The following PER3 variants were observed in gnomAD, a reference collection of about 807,000 sequenced individuals.
PER3 encodes period circadian regulator 3.
In PER3, 107 loss-of-function variants were observed where a neutral mutation model predicts 127.2. The ratio of observed to expected loss-of-function variants is 0.84; its 90% CI spans 0.72 to 0.99. The LOEUF is 0.99. PER3 is among the 50% of genes least tolerant of loss of function. PER3 has a pLI of 0.00. For missense variants in PER3, 1,560 were observed against 1,525.8 expected, an observed-to-expected ratio of 1.02 and a Z score of -0.37; for synonymous variants, 618 against 585.8, an observed-to-expected ratio of 1.05 and a Z score of -0.79.
At chr1:7,786,898 A>ATG (rs2150425828) in intron 4 of PER3, 62 bp downstream of exon 4, 1 of 904,190 alleles carries the variant, frequency 1.1e-6, no homozygotes, top group Non-Finnish European at 1.9e-6. Context: ...CCTGCTCTAG[A>ATG]TGTAGGCTTT....
chr1:7,836,011 T>C, intron 20 of PER3, 66 bp downstream of exon 20: 1 of 1,183,980 alleles, frequency 8.4e-7, no homozygotes, highest in Non-Finnish European at 1.2e-6. Context: ...TTTTTTTTCT[T>C]TTTTGAGACG....
intron 6 of PER3, among the ~76,000 whole-genome samples, chr1:7,794,910 GATATA>G (rs1305140370): frequency 2.6e-4 from 40 of 151,330 alleles, no homozygotes; most frequent in African/African-American, 8.5e-4. Context: ...TATATAAGAT[GATATA>G]ATAATATGTT....
chr1:7,785,544 G>A lies in PER3; in HGVS notation c.232G>A (p.Asp78Asn), dbSNP rs369440957. The change falls in exon 3 of 22, where the codon GAT becomes AAT. Residue 78 changes from aspartate to asparagine, a missense_variant. Physicochemically the swap from Asp to Asn is conservative, Grantham distance 23 (BLOSUM62 1). Around this residue, in one of 3 missense-constraint regions of PER3, gnomAD observed 1,332 missense variants for 1,223.6 expected, o/e 1.09. Coordinates refer to ENST00000377532, the MANE Select transcript of PER3 (RefSeq NM_001377275.1). The stretch of plus-strand genomic sequence containing the variant: ...GAGACGCAATAAACCAAGCACTCTA[G>A]ATGCCCTCAACTATGCTCTCCGCTG... ...SERRNKPSTL[D>N]ALNYALRCVH... 7.4e-6 allele frequency: 12 copies of A among 1,613,774 alleles called. No homozygotes were observed. Among genetic ancestry groups the A allele is most frequent in the Non-Finnish European group, 1.0e-5 (12 of 1,179,728 alleles).
intron 4 of PER3, chr1:7,787,138 T>C (rs1485454642): frequency 2.0e-5 from 7 of 354,888 alleles, no homozygotes; most frequent in African/African-American, 1.1e-4. Flanking sequence ...CACTGCAGAG[T>C]AATTTCCTGC....
Position 7,835,962 on chromosome 1 carries a change from G to C in PER3, c.3398+17G>C. 1 of 1,504,300 alleles carries C rather than the reference G, an allele frequency of 6.6e-7. No individual in the cohort carries two copies. Among genetic ancestry groups the C allele is most frequent in the Non-Finnish European group, 9.1e-7 (1 of 1,104,538 alleles). The allele number at this position is 1,504,300 out of a possible 1,614,324, so 93.2% of individuals were successfully genotyped here. On this transcript the variant is annotated intron_variant, in intron 20 of 21. Coordinates refer to ENST00000377532, the MANE Select transcript of PER3 (RefSeq NM_001377275.1). ...ACCTGAGAGGTAAGAAAGCACTTTA[G>C]AAAACCCACTTTTTATATTTTTGTG...
At chr1:7,787,786 G>A (rs7556518) in intron 4 of PER3, 61,128 of 481,644 alleles carry the variant, frequency 0.13, 4,661 homozygotes, top group Non-Finnish European at 0.15. Flanking sequence ...TGTGCCATAC[G>A]TATTTTAGTC....
At chr1:7,832,929 T>G (rs751357205) in intron 19 of PER3, among the ~76,000 whole-genome samples, 5 of 151,698 alleles carry the variant, frequency 3.3e-5, no homozygotes, top group African/African-American at 9.7e-5. Context: ...CCCTCAAACT[T>G]CTGGGTTCAA....
At chr1:7,838,967 C>T (rs187621065) in intron 21 of PER3, among the ~76,000 whole-genome samples, 7,404 of 150,842 alleles carry the variant, frequency 0.049, 625 homozygotes, top group East Asian at 0.27. Context: ...GAAGGACTTA[C>T]TTGTGGCATT....
At chr1:7,836,623 C>T (rs1299316508) in intron 20 of PER3, among the ~76,000 whole-genome samples, 1 of 152,026 alleles carries the variant, frequency 6.6e-6, no homozygotes, top group African/African-American at 2.4e-5. Context: ...GTAATGTTAC[C>T]TCTATTCAGA....
At chr1:7,829,346 T>G (rs1390868414) in intron 18 of PER3, among the ~76,000 whole-genome samples, 2 of 152,222 alleles carry the variant, frequency 1.3e-5, no homozygotes, top group East Asian at 3.8e-4. Context: ...GAAGATTCGT[T>G]TTTGCCTAAA....
chr1:7,794,043 G>A, intron 6 of PER3, 35 bp downstream of exon 6: 1 of 1,556,584 alleles, frequency 6.4e-7, no homozygotes, highest in Non-Finnish European at 8.9e-7. Flanking sequence ...CAGCAACAGT[G>A]GATTATGTTC....
intron 20 of PER3, 142 bp downstream of exon 20, chr1:7,836,087 T>C: frequency 1.7e-6 from 1 of 582,164 alleles, no homozygotes; most frequent in Non-Finnish European, 3.1e-6. Flanking sequence ...AACCTCCATC[T>C]CCTGGGTTCA....
chr1:7,796,319 C>CTTTTTTTTTT (rs71567315), intron 6 of PER3, among the ~76,000 whole-genome samples: 4,955 of 109,442 alleles, frequency 0.045, 405 homozygotes, highest in Middle Eastern at 0.096. Flanking sequence ...TTTCAGTTTC[C>CTTTTTTTTTT]TTTTTTTTTT....
intron 13 of PER3, among the ~76,000 whole-genome samples, chr1:7,818,990 C>G (rs2097263777): frequency 6.6e-6 from 1 of 152,198 alleles, no homozygotes; most frequent in African/African-American, 2.4e-5. Flanking sequence ...AACCTTAAAC[C>G]TATGGTTTCA....
chr1:7,809,827 T>G, intron 11 of PER3, 66 bp from the exon 12 acceptor site: 195 of 1,466,850 alleles, frequency 1.3e-4, no homozygotes, highest in Non-Finnish European at 1.7e-4. Flanking sequence ...TGATTCTAGA[T>G]GAGCTCTGCG....
chr1:7,789,140 A>AGT (rs1553301246), intron 5 of PER3, among the ~76,000 whole-genome samples: 1 of 133,160 alleles, frequency 7.5e-6, no homozygotes, highest in Non-Finnish European at 1.7e-5. Flanking sequence ...AGAGCTTTAA[A>AGT]ATATATATAT....
At position 7,843,738 on chromosome 1, in the gene PER3, C is replaced by G. The variant is rs1462185753; in HGVS notation, c.*983C>G. 1 of 215,660 alleles carries G rather than the reference C, an allele frequency of 4.6e-6. No individual in the cohort carries two copies. Among genetic ancestry groups the G allele is most frequent in the Non-Finnish European group, 9.0e-6 (1 of 111,606 alleles). 13.4% of individuals were successfully genotyped at this position (215,660 alleles called of 1,614,324 possible). On this transcript the variant is annotated 3_prime_UTR_variant, in exon 22 of 22. Coordinates refer to ENST00000377532, the MANE Select transcript of PER3 (RefSeq NM_001377275.1). ...CTTGAACAGGGCAGTGTTGTGGGGA[C>G]TGCAAAAGAGAAAACGTCCAGGCGA...
intron 19 of PER3, among the ~76,000 whole-genome samples, chr1:7,832,616 G>A (rs986017616): frequency 2.6e-5 from 4 of 151,676 alleles, no homozygotes; most frequent in South Asian, 2.1e-4. Context: ...CTCATGATTC[G>A]CCCGCCTTGG....
chr1:7,795,123 A>G (rs1265590144), intron 6 of PER3, among the ~76,000 whole-genome samples: 1 of 152,166 alleles, frequency 6.6e-6, no homozygotes, highest in Admixed American at 6.5e-5. Context: ...GAGAAAGGGC[A>G]CAGCGGTGGG....
Sources: gnomAD v4.1 joint callset for allele counts (sites outside exome capture counted in the v4.1 genomes callset) on GRCh38, gnomAD v4.1.1 for gene constraint, gnomAD v4.1.1 regional missense constraint, MANE v1.5 for transcripts, NCBI Gene and HGNC (gene_info 2026-07-23, HGNC 2026-07-21) for gene names.